BRINP3: variants seen among roughly 807,000 people sequenced by gnomAD.
BRINP3 encodes BMP/retinoic acid-inducible neural-specific protein 3.
Under a neutral mutation model 71.0 loss-of-function variants are expected in BRINP3, and 19 were observed. That is an observed-to-expected ratio of 0.27 (90% CI 0.19 to 0.39). The LOEUF is 0.39. Ranked by LOEUF, BRINP3 falls within the 10% of genes least tolerant of loss-of-function variation. The probability of loss-of-function intolerance (pLI) is 1.00; values close to 1 mark genes in which losing one functional copy is unlikely to be tolerated. For missense variants in BRINP3, 959 were observed against 940.8 expected (o/e 1.02, Z -0.25); for synonymous variants, 380 against 337.7 (o/e 1.13, Z -1.37).
At chr1:190,150,022 T>C (rs941661995) in intron 7 of BRINP3, among the ~76,000 whole-genome samples, 2 of 152,202 alleles carry the variant, frequency 1.3e-5, no homozygotes, top group African/African-American at 4.8e-5. Context: ...TTATAACTTG[T>C]GTGGGCTGCC....
At chr1:190,407,457 C>T (rs919222912) in intron 2 of BRINP3, among the ~76,000 whole-genome samples, 8 of 152,020 alleles carry the variant, frequency 5.3e-5, no homozygotes, top group Admixed American at 6.5e-5. Context: ...ACACTAAATC[C>T]TTATACAGTC....
At chr1:190,148,411 G>A (rs930085408) in intron 7 of BRINP3, among the ~76,000 whole-genome samples, 31 of 151,774 alleles carry the variant, frequency 2.0e-4, no homozygotes, top group Middle Eastern at 3.4e-3. Context: ...GACTAACACG[G>A]AGAAACCCCA....
intron 7 of BRINP3, among the ~76,000 whole-genome samples, chr1:190,104,457 C>T (rs991446160): frequency 6.6e-6 from 1 of 152,040 alleles, no homozygotes; most frequent in Non-Finnish European, 1.5e-5. Flanking sequence ...TTCCTACTAT[C>T]ATCTTTTAAA....
chr1:190,407,261 A>G (rs1446209588), intron 2 of BRINP3, among the ~76,000 whole-genome samples: 1 of 152,200 alleles, frequency 6.6e-6, no homozygotes, highest in Non-Finnish European at 1.5e-5. Context: ...TAAATTTCAT[A>G]GAATCAGCAA....
chr1:190,311,163 T>A (rs2103024929), intron 2 of BRINP3, among the ~76,000 whole-genome samples: 1 of 151,868 alleles, frequency 6.6e-6, no homozygotes, highest in Non-Finnish European at 1.5e-5. Flanking sequence ...AGGTCCCATG[T>A]GCTTTTATCA....
intron 7 of BRINP3, among the ~76,000 whole-genome samples, chr1:190,127,707 T>C (rs1328564869): frequency 1.3e-5 from 2 of 151,874 alleles, no homozygotes; most frequent in East Asian, 3.9e-4. Context: ...ATTGCACATT[T>C]CAGTTTGTAT....
At chr1:190,337,853 C>T (rs2103100755) in intron 2 of BRINP3, among the ~76,000 whole-genome samples, 1 of 152,094 alleles carries the variant, frequency 6.6e-6, no homozygotes, top group East Asian at 1.9e-4. Flanking sequence ...CTATCTAAGG[C>T]CATGCTTGGG....
chr1:190,448,936 CTT>C (rs1378810187), intron 2 of BRINP3, among the ~76,000 whole-genome samples: 2 of 151,700 alleles, frequency 1.3e-5, no homozygotes, highest in Non-Finnish European at 3.0e-5. Context: ...ATATTTTAAA[CTT>C]AATTTTTCTG....
At chr1:190,107,744 C>A (rs1652303578) in intron 7 of BRINP3, among the ~76,000 whole-genome samples, 1 of 151,958 alleles carries the variant, frequency 6.6e-6, no homozygotes, top group South Asian at 2.1e-4. Context: ...TTTCTCCCAA[C>A]CCCTCCAAAC....
intron 6 of BRINP3, among the ~76,000 whole-genome samples, chr1:190,201,497 A>C (rs577505425): frequency 2.6e-5 from 4 of 152,220 alleles, no homozygotes; most frequent in African/African-American, 9.6e-5. Context: ...CATAATTTGC[A>C]TAAGTAACAT....
At chr1:190,176,826 A>T (rs1451052831) in intron 6 of BRINP3, among the ~76,000 whole-genome samples, 1 of 152,142 alleles carries the variant, frequency 6.6e-6, no homozygotes, top group East Asian at 1.9e-4. Context: ...CTTGGGGTCA[A>T]GAAGCAGTTA....
intron 2 of BRINP3, among the ~76,000 whole-genome samples, chr1:190,453,997 T>C (rs1441322698): frequency 6.6e-6 from 1 of 152,238 alleles, no homozygotes; most frequent in Non-Finnish European, 1.5e-5. Context: ...CTACTTAATG[T>C]ATTCACGGGA....
chr1:190,414,059 C>T (rs1672858049), intron 2 of BRINP3, among the ~76,000 whole-genome samples: 1 of 151,996 alleles, frequency 6.6e-6, no homozygotes, highest in Admixed American at 6.5e-5. Context: ...AAGTCCTGGG[C>T]TCAGGCATGA....
At chr1:190,211,598 A>G (rs1259070825) in intron 6 of BRINP3, among the ~76,000 whole-genome samples, 1 of 152,132 alleles carries the variant, frequency 6.6e-6, no homozygotes, top group Non-Finnish European at 1.5e-5. Context: ...GTAACAATGC[A>G]AATAAATATG....
chr1:190,446,940 G>C (rs1675256627), intron 2 of BRINP3, among the ~76,000 whole-genome samples: 1 of 151,702 alleles, frequency 6.6e-6, no homozygotes, highest in Non-Finnish European at 1.5e-5. Flanking sequence ...ATTAAAGACA[G>C]ATAGAAAGAT....
At chr1:190,428,205 A>C (rs185297512) in intron 2 of BRINP3, among the ~76,000 whole-genome samples, 1 of 152,080 alleles carries the variant, frequency 6.6e-6, no homozygotes, top group Admixed American at 6.6e-5. Context: ...TTTCCTGAAT[A>C]AAAAAACAAA....
intron 4 of BRINP3, among the ~76,000 whole-genome samples, chr1:190,239,957 A>G (rs1451293442): frequency 6.6e-6 from 1 of 151,706 alleles, no homozygotes; most frequent in Non-Finnish European, 1.5e-5. Flanking sequence ...ATCCAATACA[A>G]TCTATTTTAA....
At chr1:190,248,180 T>C (rs1388331844) in intron 4 of BRINP3, among the ~76,000 whole-genome samples, 1 of 151,888 alleles carries the variant, frequency 6.6e-6, no homozygotes, top group Non-Finnish European at 1.5e-5. Flanking sequence ...CACCTCTTGC[T>C]ATTAGATTCG....
chr1:190,328,227 T>C (rs1023868735), intron 2 of BRINP3, among the ~76,000 whole-genome samples: 32 of 151,954 alleles, frequency 2.1e-4, no homozygotes, highest in African/African-American at 7.0e-4. Flanking sequence ...CTGAATAAAA[T>C]TGAGACCCAA....
Sources: allele counts gnomAD v4.1 joint callset (sites outside exome capture counted in the v4.1 genomes callset), GRCh38; gene constraint gnomAD v4.1.1; transcripts MANE v1.5; gene names NCBI Gene and HGNC (gene_info 2026-07-23, HGNC 2026-07-21).